The following ULK4 variants were observed in gnomAD, a reference collection of about 807,000 sequenced individuals.
ULK4 encodes the protein unc-51 like kinase 4.
In ULK4, 133 loss-of-function variants were observed where a neutral mutation model predicts 160.6. The ratio of observed to expected loss-of-function variants is 0.83; its 90% CI spans 0.72 to 0.96. The LOEUF is 0.96. Ranked by LOEUF, ULK4 falls within the 40% of genes least tolerant of loss-of-function variation. ULK4 has a pLI of 0.00. For missense variants in ULK4, 1,580 were observed against 1,499.5 expected, an observed-to-expected ratio of 1.05 and a Z score of -0.89; for synonymous variants, 534 against 539.8, an observed-to-expected ratio of 0.99 and a Z score of 0.15.
intron 22 of ULK4, among the ~76,000 whole-genome samples, chr3:41,735,787 T>C (rs896455688): frequency 6.6e-6 from 1 of 151,286 alleles, no homozygotes; most frequent in African/African-American, 2.4e-5. Flanking sequence ...CATGTTGGTG[T>C]GCTGCACCCA....
rs370865505 is a variant in ULK4 at position 41,604,924 on chromosome 3, C to G, written c.3120+10745G>C. On this transcript the variant is annotated intron_variant, in intron 31 of 36. Transcript: ENST00000301831. The stretch of plus-strand genomic sequence containing the variant: ...AACATGTACTTCACCCTGTTTGCAC[C>G]ATACATAAAATGTGCTCACTTGCTT... Among the ~76,000 whole-genome samples, 68 of 152,138 alleles carry G rather than the reference C, an allele frequency of 4.5e-4. 1 individual carries two copies. The South Asian group carries it at 0.014, about 31-fold the overall frequency.
intron 32 of ULK4, among the ~76,000 whole-genome samples, chr3:41,492,138 A>T (rs1224194667): frequency 6.6e-6 from 1 of 150,412 alleles, no homozygotes; most frequent in Admixed American, 6.7e-5. Flanking sequence ...TCATTGTTGG[A>T]CATTTGGGTC....
intron 31 of ULK4, among the ~76,000 whole-genome samples, chr3:41,570,785 C>G (rs2087946853): frequency 6.6e-6 from 1 of 152,248 alleles, no homozygotes; most frequent in South Asian, 2.1e-4. Flanking sequence ...ACCCTGGACG[C>G]TAAGAACACA....
At chr3:41,866,516 C>T (rs568270703) in intron 17 of ULK4, among the ~76,000 whole-genome samples, 106 of 152,310 alleles carry the variant, frequency 7.0e-4, no homozygotes, top group South Asian at 1.2e-3. Flanking sequence ...AGGGTTCACG[C>T]TCCTATGAGC....
intron 31 of ULK4, among the ~76,000 whole-genome samples, chr3:41,579,877 G>C (rs2030131001): frequency 6.6e-6 from 1 of 152,194 alleles, no homozygotes; most frequent in African/African-American, 2.4e-5. Context: ...CAGCTCTGTT[G>C]CTGCCCTTGT....
chr3:41,642,363 C>A (rs1187180477), intron 30 of ULK4, among the ~76,000 whole-genome samples: 1 of 152,040 alleles, frequency 6.6e-6, no homozygotes, highest in Non-Finnish European at 1.5e-5. Flanking sequence ...CAACAGTCCC[C>A]AGAGAGTGAT....
intron 31 of ULK4, among the ~76,000 whole-genome samples, chr3:41,591,193 G>A (rs1023374700): frequency 6.6e-6 from 1 of 152,112 alleles, no homozygotes; most frequent in Non-Finnish European, 1.5e-5. Context: ...AAGCAACTTT[G>A]AAGTATTAAA....
chr3:41,346,133 C>T (rs572351659), intron 35 of ULK4, among the ~76,000 whole-genome samples: 1 of 152,266 alleles, frequency 6.6e-6, no homozygotes, highest in South Asian at 2.1e-4. Flanking sequence ...CCGGCTTCAT[C>T]TGAGGGCAGG....
At chr3:41,632,222 G>C (rs1459105182) in intron 30 of ULK4, among the ~76,000 whole-genome samples, 1 of 152,210 alleles carries the variant, frequency 6.6e-6, no homozygotes, top group African/African-American at 2.4e-5. Context: ...GACAGTGGCA[G>C]AGACCAAAGG....
chr3:41,848,626 T>G (rs928963709), intron 17 of ULK4, among the ~76,000 whole-genome samples: 5 of 152,168 alleles, frequency 3.3e-5, no homozygotes, highest in African/African-American at 1.2e-4. Flanking sequence ...TGCTCAGGAA[T>G]CTGAATCTGG....
chr3:41,378,162 G>A (rs186609898), intron 35 of ULK4, among the ~76,000 whole-genome samples: 6,097 of 145,450 alleles, frequency 0.042, 175 homozygotes, highest in Non-Finnish European at 0.064. Flanking sequence ...CTTATAGGTG[G>A]GAATTGAACA....
chr3:41,436,719 C>T (rs2125852188), intron 34 of ULK4, among the ~76,000 whole-genome samples: 1 of 152,280 alleles, frequency 6.6e-6, no homozygotes, highest in African/African-American at 2.4e-5. Flanking sequence ...CAACCACGTC[C>T]TTTCATAGTA....
At chr3:41,787,009 A>T (rs1173377459) in intron 21 of ULK4, among the ~76,000 whole-genome samples, 1 of 152,178 alleles carries the variant, frequency 6.6e-6, no homozygotes, top group Non-Finnish European at 1.5e-5. Flanking sequence ...AAGAAAAAAC[A>T]GCTCTCTCAA....
intron 16 of ULK4, among the ~76,000 whole-genome samples, chr3:41,886,790 G>C (rs1256109583): frequency 6.6e-6 from 1 of 152,050 alleles, no homozygotes; most frequent in Non-Finnish European, 1.5e-5. Context: ...TGGCCAGGCT[G>C]GTCTCGAACT....
rs1471844943 is a variant in ULK4, at chr3:41,802,314, T to G, written c.1849-2021A>C. Among the ~76,000 whole-genome samples the G allele has an allele frequency of 1.3e-5, 2 of 152,216 alleles. 1 individual carries two copies. Among genetic ancestry groups the G allele is most frequent in the Non-Finnish European group, 2.9e-5 (2 of 68,034 alleles). On this transcript the variant is annotated intron_variant, in intron 19 of 36. Coordinates refer to ENST00000301831, the MANE Select transcript of ULK4 (RefSeq NM_017886.4). ...TAAGCTGCAGCTGCTGTTTTTCTTT[T>G]TGAGACACAGTCTCACTCTGTCACC...
chr3:41,852,940 G>A (rs1349270835), intron 17 of ULK4, among the ~76,000 whole-genome samples: 1 of 152,100 alleles, frequency 6.6e-6, no homozygotes, highest in Admixed American at 6.6e-5. Flanking sequence ...TCTCCCCTGA[G>A]AATCAAATCA....
At chr3:41,551,405 G>A (rs2087060076) in intron 32 of ULK4, among the ~76,000 whole-genome samples, 1 of 106,836 alleles carries the variant, frequency 9.4e-6, no homozygotes. Context: ...AAAAAAGGAA[G>A]AAGATCCAAA....
At chr3:41,936,692 C>T (rs1444351089) in intron 3 of ULK4, among the ~76,000 whole-genome samples, 2 of 152,090 alleles carry the variant, frequency 1.3e-5, no homozygotes, top group Non-Finnish European at 2.9e-5. Context: ...TGTCCTCACT[C>T]ATTTGTGGGA....
chr3:41,255,638 T>C (rs1442385936), intron 35 of ULK4, among the ~76,000 whole-genome samples: 2 of 74,542 alleles, frequency 2.7e-5, no homozygotes, highest in Non-Finnish European at 9.1e-5. Flanking sequence ...GAGGGACATT[T>C]CATATTTATA....
Sources: allele counts gnomAD v4.1 joint callset (sites outside exome capture counted in the v4.1 genomes callset), GRCh38; gene constraint gnomAD v4.1.1; transcripts MANE v1.5; gene names NCBI Gene and HGNC (gene_info 2026-07-23, HGNC 2026-07-21).